Variants in KIF21B observed in about 807,000 individuals in gnomAD.
The protein encoded by KIF21B is kinesin family member 21B.
Under a neutral mutation model 192.9 loss-of-function variants are expected in KIF21B, and 85 were observed. The observed-to-expected ratio is 0.44, with a 90% CI of 0.37 to 0.53. The LOEUF (loss-of-function observed/expected upper bound fraction) is 0.53, where lower values mean the gene tolerates loss of function less well. Among genes scored for constraint, KIF21B ranks in the 20% least tolerant of loss-of-function variants. The pLI is 0.00. For missense variants in KIF21B, 1,716 were observed against 2,194.8 expected (o/e 0.78, Z 4.36); for synonymous variants, 832 against 884.6 (o/e 0.94, Z 1.05).
At chr1:201,007,255 C>T (rs1319168903) in intron 3 of KIF21B, among the ~76,000 whole-genome samples, 1 of 132,092 alleles carries the variant, frequency 7.6e-6, no homozygotes, top group Admixed American at 7.5e-5. Context: ...GAGACAGACA[C>T]ACACAGACAC....
chr1:201,004,806 C>A lies in KIF21B; in HGVS notation c.860G>T (p.Gly287Val). Residue 287 changes from glycine (G) to valine (V), a missense_variant, in exon 6 of 35, where the codon GGC becomes GTC. By Grantham distance (109) the Gly-to-Val change is moderately radical. Transcript: ENST00000461742. The part of the protein sequence containing the change: ...SERLKRTGAT[G>V]ERAKEGISIN... ...GGAGATGCCCTCCTTGGCCCGCTCG[C>A]CAGTAGCCCCTGTCCGCTTCAGCCG... 1 of 1,614,136 alleles carries A rather than the reference C, an allele frequency of 6.2e-7. No individual in the cohort carries two copies. The highest frequency in any genetic ancestry group is 8.5e-7 in the Non-Finnish European group (1 of 1,180,040).
rs764535018 is a variant in KIF21B at position 200,983,036 on chromosome 1, G to A, written c.3842+20C>T. 42 of 1,534,884 alleles carry A rather than the reference G, an allele frequency of 2.7e-5. No individual in the cohort carries two copies. The highest frequency in any genetic ancestry group is 2.0e-4 in the South Asian group (17 of 84,026). The stretch of plus-strand genomic sequence containing the variant: ...AGAGTGAGAGTGGGGAACCAAACAC[G>A]AGAGACATTCTGTGTGTACCTCAGG... On this transcript the variant is annotated intron_variant, in intron 28 of 34. Transcript: ENST00000461742.
chr1:200,988,662 G>A, intron 22 of KIF21B, 104 bp downstream of exon 22: 1 of 1,479,536 alleles, frequency 6.8e-7, no homozygotes, highest in Admixed American at 2.0e-5. Context: ...GCTCCTGGTG[G>A]GGGTTAGGGG....
In KIF21B at chr1:201,001,903, G is replaced by C. The variant is rs200482060; in HGVS notation, c.1402+258C>G. 6.4e-5 allele frequency: 33 copies of C among 511,850 alleles called. No homozygotes were observed. In the East Asian group the frequency reaches 9.3e-4, roughly 14 times the overall value. 31.7% of individuals were successfully genotyped at this position (511,850 alleles called of 1,614,324 possible). ...TGAGAAGTAGAGAGGGCTTGGGGTG[G>C]AGGGTTCAGGGAGAGGCGATTTTAA... On this transcript the variant is annotated intron_variant, in intron 9 of 34. Transcript: ENST00000461742.
chr1:201,005,770 A>C, intron 3 of KIF21B, 76 bp from the exon 4 acceptor site: 1 of 1,455,660 alleles, frequency 6.9e-7, no homozygotes, highest in Non-Finnish European at 9.4e-7. Context: ...CCTATAAACC[A>C]TATCTGTTTT....
At chr1:200,980,918 A>C (rs753400281) in intron 29 of KIF21B, 42 bp downstream of exon 29, 2 of 1,595,230 alleles carry the variant, frequency 1.3e-6, no homozygotes, top group Admixed American at 3.6e-5. Flanking sequence ...AGGGGTGAGT[A>C]GGAGACCCCA....
At position 200,984,952 on chromosome 1, in the gene KIF21B, G is replaced by A. The variant is rs769551612; in HGVS notation, c.3710C>T (p.Thr1237Ile). 5.6e-6 allele frequency: 9 copies of A among 1,607,204 alleles called. No individual in the cohort carries two copies. The highest frequency in any genetic ancestry group is 1.7e-5 in the Admixed American group (1 of 58,572). ...QPIRSTDVGF[T>I]PPSSPPTRPR... The stretch of plus-strand genomic sequence containing the variant: ...CCGAGTGGGAGGGGATGATGGGGGT[G>A]TGAATCCCACATCTGTGGACCTGGT... The change falls in exon 27 of 35, where the codon ACA becomes ATA. Residue 1237 changes from threonine to isoleucine, a missense_variant. Transcript: ENST00000461742.
At position 200,974,755 on chromosome 1, in the gene KIF21B, A is replaced by G. The variant is rs747811843; in HGVS notation, c.4773T>C (p.Asn1591=). The change falls in exon 34 of 35, where the codon AAT becomes AAC. Residue 1591 remains asparagine, a synonymous_variant. Coordinates refer to ENST00000461742, the MANE Select transcript of KIF21B (RefSeq NM_001252102.2). The part of the protein sequence containing the change: ...GEIKGHDSPI[N]AICTNAKHIF... Reference sequence around the variant, plus strand: ...TATGCTTGGCATTGGTGCAGATGGCATTGATGGGACTGTCGTGGCCCTTGA... The same window carrying G: ...TATGCTTGGCATTGGTGCAGATGGCGTTGATGGGACTGTCGTGGCCCTTGA... 1.4e-5 allele frequency: 23 copies of G among 1,614,224 alleles called. No homozygotes were observed. Among genetic ancestry groups the G allele is most frequent in the Non-Finnish European group, 1.9e-5 (22 of 1,180,022 alleles).
rs1310442940 is a variant in KIF21B, at chr1:201,004,747, T to A, written c.900+19A>T. 1 of 1,613,884 alleles carries A rather than the reference T, an allele frequency of 6.2e-7. No homozygotes were observed. The highest frequency in any genetic ancestry group is 8.5e-7 in the Non-Finnish European group (1 of 1,179,890). Reference sequence around the variant, plus strand: ...TGAGCTGTGTGGGTGCTGGGGCTGATGACCCACCATGTGCCTACCAGGCCA... The same window carrying A: ...TGAGCTGTGTGGGTGCTGGGGCTGAAGACCCACCATGTGCCTACCAGGCCA... On this transcript the variant is annotated intron_variant, in intron 6 of 34. Transcript: ENST00000461742.
At chr1:201,014,146 G>A (rs542920895) in intron 1 of KIF21B, among the ~76,000 whole-genome samples, 2 of 152,376 alleles carry the variant, frequency 1.3e-5, no homozygotes, top group East Asian at 3.9e-4. Context: ...CACAGGCAGC[G>A]AAGTTGCTGA....
rs781628536 is a variant in KIF21B at position 200,992,292 on chromosome 1, C to T, written c.2375G>A (p.Arg792Gln). 6.8e-6 allele frequency: 11 copies of T among 1,611,926 alleles called. No individual in the cohort carries two copies. The highest frequency in any genetic ancestry group is 1.6e-4 in the Middle Eastern group (1 of 6,062). The part of the protein sequence containing the change: ...REIAQLKKEQ[R>Q]RQEFQIRALE... ...AGGGCCACCCCTCACCTCCTGTCGC[C>T]GCTGCTCCTTCTTGAGCTGTGCGAT... Residue 792 changes from arginine to glutamine, a missense_variant, in exon 16 of 35, where the codon CGG becomes CAG. Arg to Gln is a conservative substitution (Grantham distance 43, BLOSUM62 1). Around this residue, in one of 3 missense-constraint regions of KIF21B, gnomAD observed 1,087 missense variants for 1,316.6 expected, o/e 0.83. Transcript: ENST00000461742.
Position 201,023,500 on chromosome 1 carries a change from C to A in KIF21B, c.-117G>T. 3.9e-6 allele frequency: 2 copies of A among 515,968 alleles called. No individual in the cohort carries two copies. The highest frequency in any genetic ancestry group is 5.5e-6 in the Non-Finnish European group (2 of 362,618). The allele number at this position is 515,968 out of a possible 1,614,324, so 32.0% of individuals were successfully genotyped here. A position where few individuals can be genotyped will look rare whatever the true frequency, so the allele number is the denominator to read the frequency against. Reference sequence around the variant, plus strand: ...GCGCGGGCGCGGCTGGCGGAGGCTGCGGCGGCGGCGGCTGGAGGTGACATG... The same window carrying A: ...GCGCGGGCGCGGCTGGCGGAGGCTGAGGCGGCGGCGGCTGGAGGTGACATG... On this transcript the variant is annotated 5_prime_UTR_variant, in exon 1 of 35. Coordinates refer to ENST00000461742, the MANE Select transcript of KIF21B (RefSeq NM_001252102.2). This position sits in a 1 kb window ranked among gnomAD's most constrained non-coding sequence, Gnocchi z 5.9.
At position 200,987,544 on chromosome 1, in the gene KIF21B, C is replaced by T. The variant is rs113201352; in HGVS notation, c.3409-343G>A. Among the ~76,000 whole-genome samples, 279 of 152,290 alleles carry T rather than the reference C, an allele frequency of 1.8e-3. 2 individuals carry two copies. The highest frequency in any genetic ancestry group is 6.2e-3 in the African/African-American group (257 of 41,564). On this transcript the variant is annotated intron_variant, in intron 24 of 34. Coordinates refer to ENST00000461742, the MANE Select transcript of KIF21B (RefSeq NM_001252102.2). Reference sequence around the variant, plus strand: ...CAGGCATGAGCCACCACACCCAGCCCGCCCGGAAATTCTAACAAGAGAAAT... The same window carrying T: ...CAGGCATGAGCCACCACACCCAGCCTGCCCGGAAATTCTAACAAGAGAAAT...
At chr1:200,988,385 T>C in intron 23 of KIF21B, 32 bp from the exon 24 acceptor site, 1 of 1,613,674 alleles carries the variant, frequency 6.2e-7, no homozygotes, top group South Asian at 1.1e-5. Flanking sequence ...TTCAGGATCC[T>C]GAGGAGCCCC....
chr1:200,982,929 A>C lies in KIF21B; in HGVS notation c.3842+127T>G. On this transcript the variant is annotated intron_variant, in intron 28 of 34. Transcript: ENST00000461742. The surrounding 1 kb of genome is among the most constrained non-coding windows in gnomAD (Gnocchi z 4.7). The stretch of plus-strand genomic sequence containing the variant: ...AGGTCTGGAGAGGGGGGCAGCAGGA[A>C]GGGGAGTGGAGGGGCCGCATGCTGA... The C allele has an allele frequency of 1.3e-6, 1 of 791,044 alleles. No individual in the cohort carries two copies. The highest frequency in any genetic ancestry group is 2.0e-5 in the Admixed American group (1 of 49,426). The allele number at this position is 791,044 out of a possible 1,614,324, so 49.0% of individuals were successfully genotyped here.
chr1:201,007,114 ACGCAGACACC>A, intron 3 of KIF21B, among the ~76,000 whole-genome samples: 1 of 149,124 alleles, frequency 6.7e-6, no homozygotes, highest in Admixed American at 6.6e-5. Flanking sequence ...AGACACACAC[ACGCAGACACC>A]CACACACAGA....
chr1:200,985,768 C>T (rs201222450), intron 26 of KIF21B, among the ~76,000 whole-genome samples: 5 of 110,154 alleles, frequency 4.5e-5, no homozygotes, highest in East Asian at 5.7e-4. Context: ...TTCCCTCCCC[C>T]ACTCCCCTCC....
chr1:201,006,556 G>A (rs947043939), intron 3 of KIF21B, among the ~76,000 whole-genome samples: 2 of 152,124 alleles, frequency 1.3e-5, no homozygotes, highest in Admixed American at 6.5e-5. Flanking sequence ...GGGAAGAGGA[G>A]ATGGAAAGGA....
Position 200,977,500 on chromosome 1 carries a change from T to C in KIF21B, c.4161-124A>G, listed in dbSNP as rs539571024. The C allele has an allele frequency of 1.2e-4, 149 of 1,200,358 alleles. 1 individual carries two copies. In the South Asian group the frequency reaches 2.1e-3, roughly 17 times the overall value. 74.4% of individuals were successfully genotyped at this position (1,200,358 alleles called of 1,614,324 possible). A position where few individuals can be genotyped will look rare whatever the true frequency, so the allele number is the denominator to read the frequency against. ...CTTCTTCCAGGAAGTCTTCCTTGAC[T>C]GACAGAGAAGAGCAATAGCTTCTCC... is the stretch of plus-strand genomic sequence containing the variant. On this transcript the variant is annotated intron_variant, in intron 30 of 34. Transcript: ENST00000461742.
Sources: allele counts gnomAD v4.1 joint callset (sites outside exome capture counted in the v4.1 genomes callset), GRCh38; gene constraint gnomAD v4.1.1; regional missense constraint gnomAD v4.1.1; non-coding constraint Gnocchi (gnomAD v3.1); transcripts MANE v1.5; gene names NCBI Gene and HGNC (gene_info 2026-07-23, HGNC 2026-07-21).